The following CDH18 variants were observed in gnomAD, a reference collection of about 807,000 sequenced individuals.
CDH18 encodes the protein cadherin-18.
A neutral mutation model predicts 67.9 loss-of-function variants in CDH18; 31 were observed. The observed-to-expected ratio is 0.46, with a 90% CI of 0.34 to 0.62. The LOEUF is 0.62. Among genes scored for constraint, CDH18 ranks in the 20% least tolerant of loss-of-function variants. CDH18 has a pLI of 0.01. For synonymous variants in CDH18, 362 were observed against 347.2 expected (o/e 1.04, Z -0.48); for missense variants, 890 against 975.5 (o/e 0.91, Z 1.17).
intron 9 of CDH18, among the ~76,000 whole-genome samples, chr5:19,539,641 C>G (rs1749932695): frequency 7.0e-6 from 1 of 141,864 alleles, no homozygotes; most frequent in African/African-American, 2.7e-5. Context: ...GGAGGCCTCA[C>G]AGTCATGGCA....
chr5:19,630,492 G>GT (rs1366033431), intron 5 of CDH18, among the ~76,000 whole-genome samples: 29 of 152,102 alleles, frequency 1.9e-4, no homozygotes, highest in African/African-American at 6.8e-4. Context: ...GTGTGTGTGT[G>GT]TGTTGTTTTG....
chr5:20,357,760 A>T (rs976613861), intron 1 of CDH18, among the ~76,000 whole-genome samples: 1 of 152,210 alleles, frequency 6.6e-6, no homozygotes, highest in South Asian at 2.1e-4. Flanking sequence ...AGATTTCTCA[A>T]ATAACAAAAG....
chr5:19,591,315 T>A lies in CDH18; in HGVS notation c.812-71A>T, dbSNP rs536361617. 71 of 1,094,316 alleles carry A rather than the reference T, an allele frequency of 6.5e-5. No homozygotes were observed. In the African/African-American group the frequency reaches 9.7e-4, roughly 15 times the overall value. The allele number at this position is 1,094,316 out of a possible 1,614,324, so 67.8% of individuals were successfully genotyped here. On this transcript the variant is annotated intron_variant, in intron 6 of 12. Transcript: ENST00000382275. The stretch of plus-strand genomic sequence containing the variant: ...AAATAATCTTACAAGAAAAAATAAA[T>A]ATTTAGAGCACATATTCAAATGAAG...
intron 12 of CDH18, among the ~76,000 whole-genome samples, chr5:19,475,186 A>G (rs1738230089): frequency 6.7e-6 from 1 of 150,178 alleles, no homozygotes; most frequent in African/African-American, 2.5e-5. Flanking sequence ...TTTGAGATCA[A>G]TAACAGCACA....
At chr5:19,798,280 A>T (rs1777064704) in intron 3 of CDH18, among the ~76,000 whole-genome samples, 1 of 152,050 alleles carries the variant, frequency 6.6e-6, no homozygotes, top group African/African-American at 2.4e-5. Flanking sequence ...AAACTCTTAA[A>T]ATCTAGTTGT....
intron 1 of CDH18, among the ~76,000 whole-genome samples, chr5:20,328,088 G>C (rs1374745190): frequency 1.3e-5 from 2 of 152,004 alleles, no homozygotes; most frequent in African/African-American, 4.8e-5. Context: ...GAGTGATGAA[G>C]CATCAAGCAG....
At chr5:20,464,070 T>A (rs1338100108) in intron 1 of CDH18, among the ~76,000 whole-genome samples, 1 of 152,040 alleles carries the variant, frequency 6.6e-6, no homozygotes, top group African/African-American at 2.4e-5. Flanking sequence ...TTTAATCCAG[T>A]TTAAGTTGTA....
At chr5:20,411,516 T>A (rs1222256872) in intron 1 of CDH18, among the ~76,000 whole-genome samples, 2 of 152,076 alleles carry the variant, frequency 1.3e-5, no homozygotes, top group East Asian at 3.9e-4. Flanking sequence ...AGGAAAAGCT[T>A]CATGACTTTG....
At chr5:19,947,334 G>A (rs1301526367) in intron 2 of CDH18, among the ~76,000 whole-genome samples, 1 of 151,682 alleles carries the variant, frequency 6.6e-6, no homozygotes, top group East Asian at 1.9e-4. Context: ...AAAAATCAAA[G>A]GCTCAAATGT....
chr5:20,214,635 C>A (rs1740615183), intron 2 of CDH18, among the ~76,000 whole-genome samples: 1 of 151,898 alleles, frequency 6.6e-6, no homozygotes, highest in Admixed American at 6.6e-5. Flanking sequence ...AACTGGCTAG[C>A]CATGTGTAGA....
At chr5:19,675,476 T>C (rs1759359946) in intron 5 of CDH18, among the ~76,000 whole-genome samples, 1 of 152,114 alleles carries the variant, frequency 6.6e-6, no homozygotes, top group East Asian at 1.9e-4. Context: ...ACGCATTCTC[T>C]TTCTCAGGGA....
At chr5:19,854,166 C>T (rs567536151) in intron 2 of CDH18, among the ~76,000 whole-genome samples, 2 of 152,092 alleles carry the variant, frequency 1.3e-5, no homozygotes, top group Non-Finnish European at 2.9e-5. Context: ...TTCATGAATA[C>T]CATCAACCTT....
intron 1 of CDH18, among the ~76,000 whole-genome samples, chr5:20,512,186 G>A (rs13354735): frequency 0.07 from 10,620 of 152,120 alleles, 1,197 homozygotes; most frequent in African/African-American, 0.24. Flanking sequence ...TCAGGCAAAT[G>A]CACTCCAGCT....
intron 7 of CDH18, among the ~76,000 whole-genome samples, chr5:19,583,628 AAG>A (rs1410038648): frequency 2.0e-5 from 3 of 152,290 alleles, no homozygotes; most frequent in Non-Finnish European, 4.4e-5. Flanking sequence ...GGAAGAAAAG[AAG>A]GCAAGGAAAA....
chr5:19,861,825 T>C (rs934556075), intron 2 of CDH18, among the ~76,000 whole-genome samples: 1 of 152,074 alleles, frequency 6.6e-6, no homozygotes, highest in Non-Finnish European at 1.5e-5. Flanking sequence ...TTATAGTGGG[T>C]GGGAGGAAAC....
At chr5:19,757,394 G>T (rs1771751786) in intron 3 of CDH18, among the ~76,000 whole-genome samples, 1 of 152,184 alleles carries the variant, frequency 6.6e-6, no homozygotes, top group Admixed American at 6.5e-5. Context: ...GGTCTCTGCT[G>T]CTGGCAAACT....
At chr5:20,384,606 G>A (rs1744168888) in intron 1 of CDH18, among the ~76,000 whole-genome samples, 1 of 152,004 alleles carries the variant, frequency 6.6e-6, no homozygotes, top group Non-Finnish European at 1.5e-5. Context: ...ACCCATAAGT[G>A]GGATTGATGG....
At chr5:19,641,320 A>C (rs891933395) in intron 5 of CDH18, among the ~76,000 whole-genome samples, 3 of 152,010 alleles carry the variant, frequency 2.0e-5, no homozygotes, top group African/African-American at 7.2e-5. Flanking sequence ...AAGAAATAGG[A>C]ACACCTCTAA....
At chr5:20,506,202 C>T (rs56817054) in intron 1 of CDH18, among the ~76,000 whole-genome samples, 5,145 of 152,208 alleles carry the variant, frequency 0.034, 295 homozygotes, top group African/African-American at 0.12. Flanking sequence ...TGATCCCTGC[C>T]GCCTCTTCGT....
Sources: allele counts gnomAD v4.1 joint callset (sites outside exome capture counted in the v4.1 genomes callset), GRCh38; gene constraint gnomAD v4.1.1; transcripts MANE v1.5; gene names NCBI Gene and HGNC (gene_info 2026-07-23, HGNC 2026-07-21).